The following SPECC1L variants were observed in gnomAD, a reference collection of about 807,000 sequenced individuals.
SPECC1L encodes the protein cytospin-A.
A neutral mutation model predicts 116.8 loss-of-function variants in SPECC1L; 40 were observed. The observed-to-expected ratio is 0.34, with a 90% CI of 0.27 to 0.45. SPECC1L has a LOEUF of 0.45. SPECC1L is among the 20% of genes least tolerant of loss of function. The pLI is 1.00. For missense variants in SPECC1L, 1,110 were observed against 1,373.6 expected, an observed-to-expected ratio of 0.81 and a Z score of 3.03; for synonymous variants, 504 against 500.6, an observed-to-expected ratio of 1.01 and a Z score of -0.09.
Position 24,328,889 on chromosome 22 carries a change from A to G in SPECC1L, c.2190A>G (p.Arg730=). Residue 730 remains arginine, a synonymous_variant, in exon 7 of 17, where the codon AGA becomes AGG. Transcript: ENST00000314328. ...AGGACCAAAAGCACGACATGGAAAGAGAAATAAAGACACTCCACAGAAGAC... is the reference window on the plus strand; with the variant it reads ...AGGACCAAAAGCACGACATGGAAAGGGAAATAAAGACACTCCACAGAAGAC... ...KLQDQKHDME[R]EIKTLHRRLR... The G allele has an allele frequency of 6.2e-7, 1 of 1,613,824 alleles. No individual in the cohort carries two copies. Among genetic ancestry groups the G allele is most frequent in the East Asian group, 2.2e-5 (1 of 44,820 alleles).
At position 24,322,848 on chromosome 22, in the gene SPECC1L, C is replaced by G; in HGVS notation, c.1868C>G (p.Ala623Gly). Residue 623 changes from alanine to glycine, a missense_variant, in exon 5 of 17, where the codon GCT becomes GGT. Coordinates refer to ENST00000314328, the MANE Select transcript of SPECC1L (RefSeq NM_015330.6). The part of the protein sequence containing the change: ...RLDKEKAETL[A>G]SSLQEDLAHT... ...GACAAAGAAAAAGCAGAGACTTTGG[C>G]TAGTAGCTTGCAGGAAGATCTGGCT... The G allele has an allele frequency of 6.2e-7, 1 of 1,612,422 alleles. No individual in the cohort carries two copies. The highest frequency in any genetic ancestry group is 2.2e-5 in the East Asian group (1 of 44,882).
chr22:24,297,610 C>T (rs62233085), intron 2 of SPECC1L, among the ~76,000 whole-genome samples: 6,709 of 152,084 alleles, frequency 0.044, 310 homozygotes, highest in South Asian at 0.14. Flanking sequence ...CACCAGTTGC[C>T]CTTTATCTAT....
chr22:24,395,046 T>A (rs1386788563), intron 14 of SPECC1L, among the ~76,000 whole-genome samples: 2 of 152,208 alleles, frequency 1.3e-5, no homozygotes, highest in Non-Finnish European at 1.5e-5. Flanking sequence ...CAGGCTGGTA[T>A]CAAACTCCTG....
chr22:24,276,637 A>C, intron 1 of SPECC1L, 63 bp from the exon 2 acceptor site: 1 of 356,808 alleles, frequency 2.8e-6, no homozygotes, highest in Middle Eastern at 9.7e-4. Flanking sequence ...ATTTTAATTA[A>C]ACAAGAAAAA....
rs1601315855 is a variant in SPECC1L at position 24,380,378 on chromosome 22, A to C, written c.3087+11058A>C. Among the ~76,000 whole-genome samples the C allele has an allele frequency of 2.0e-5, 3 of 152,288 alleles. No individual in the cohort carries two copies. The East Asian group carries it at 5.8e-4, about 29-fold the overall frequency. On this transcript the variant is annotated intron_variant, in intron 14 of 16. Coordinates refer to ENST00000314328, the MANE Select transcript of SPECC1L (RefSeq NM_015330.6). ...AAAGAGCAGGTTGTGACACTTGACT[A>C]GTTTATGAGAGCAGAAGCTGTTACG...
At chr22:24,412,265 C>G in intron 15 of SPECC1L, 1 of 368,888 alleles carries the variant, frequency 2.7e-6, no homozygotes, top group Non-Finnish European at 5.2e-6. Flanking sequence ...TCCCCTGCTT[C>G]CCCCATGTCA....
At chr22:24,285,667 G>A (rs1047905372) in intron 2 of SPECC1L, among the ~76,000 whole-genome samples, 6 of 151,368 alleles carry the variant, frequency 4.0e-5, no homozygotes, top group Admixed American at 1.3e-4. Context: ...TTTTTGAGAC[G>A]GAGTCTTGCT....
chr22:24,332,405 AGT>A (rs1246890382), intron 8 of SPECC1L, among the ~76,000 whole-genome samples: 1 of 152,218 alleles, frequency 6.6e-6, no homozygotes, highest in Non-Finnish European at 1.5e-5. Context: ...AAGATTGACC[AGT>A]GGATTTTAAT....
At chr22:24,329,626 G>GGCTC (rs2040898789) in intron 7 of SPECC1L, among the ~76,000 whole-genome samples, 1 of 152,172 alleles carries the variant, frequency 6.6e-6, no homozygotes, top group Non-Finnish European at 1.5e-5. Context: ...CCCCAGCTAT[G>GGCTC]GCTCTGATGG....
chr22:24,321,311 A>C lies in SPECC1L; in HGVS notation c.331A>C (p.Ser111Arg), dbSNP rs768857920. The C allele has an allele frequency of 3.7e-6, 6 of 1,614,038 alleles. No homozygotes were observed. Among genetic ancestry groups the C allele is most frequent in the Non-Finnish European group, 5.1e-6 (6 of 1,180,044 alleles). ...STGTASSTKR[S>R]TSTGNKESSS... ...AGGCACAGCTTCTTCAACCAAGCGG[A>C]GCACTTCTACAGGTAATAAAGAATC... The change falls in exon 5 of 17, where the codon AGC becomes CGC. Residue 111 changes from serine (S) to arginine (R), a missense_variant. Ser to Arg is a moderately radical substitution (Grantham distance 110, BLOSUM62 -1). This residue lies in a region of SPECC1L where 437 missense variants were observed against 482.6 expected (regional missense o/e 0.91). Coordinates refer to ENST00000314328, the MANE Select transcript of SPECC1L (RefSeq NM_015330.6).
intron 14 of SPECC1L, among the ~76,000 whole-genome samples, chr22:24,380,241 G>A (rs927817114): frequency 3.9e-5 from 6 of 152,242 alleles, no homozygotes; most frequent in Non-Finnish European, 8.8e-5. Flanking sequence ...AATCGTATGA[G>A]AAGTGCCAGT....
intron 2 of SPECC1L, among the ~76,000 whole-genome samples, chr22:24,299,120 C>G (rs1215667242): frequency 6.6e-6 from 1 of 151,848 alleles, no homozygotes; most frequent in African/African-American, 2.4e-5. Context: ...CTAATATAGT[C>G]CTGCCTGAAA....
intron 11 of SPECC1L, among the ~76,000 whole-genome samples, chr22:24,350,789 G>A (rs1306008803): frequency 6.6e-6 from 1 of 152,184 alleles, no homozygotes; most frequent in Non-Finnish European, 1.5e-5. Context: ...TCTGCGTTAA[G>A]TGTGGTCAGA....
At chr22:24,326,199 G>A (rs2040818317) in intron 6 of SPECC1L, among the ~76,000 whole-genome samples, 1 of 152,088 alleles carries the variant, frequency 6.6e-6, no homozygotes, top group Admixed American at 6.6e-5. Flanking sequence ...GTGATCAGCA[G>A]ATATTACAGG....
intron 3 of SPECC1L, chr22:24,304,532 T>C (rs1266772355): frequency 2.0e-5 from 3 of 152,240 alleles, no homozygotes; most frequent in African/African-American, 7.2e-5. Context: ...TTAATTCTCC[T>C]TGGTCACAGT....
chr22:24,274,620 T>C (rs1477490305), intron 1 of SPECC1L, among the ~76,000 whole-genome samples: 5 of 152,230 alleles, frequency 3.3e-5, no homozygotes, highest in Admixed American at 2.0e-4. Flanking sequence ...CTTTTAACAG[T>C]GTTTTTCCTG....
rs1460729730 is a variant in SPECC1L, at chr22:24,363,279, C to A, written c.2762C>A (p.Ser921Tyr). The A allele has an allele frequency of 6.2e-7, 1 of 1,614,066 alleles. No homozygotes were observed. The highest frequency in any genetic ancestry group is 8.5e-7 in the Non-Finnish European group (1 of 1,180,028). The change falls in exon 12 of 17, where the codon TCT (serine) becomes TAT (tyrosine). Residue 921 changes from serine to tyrosine, a missense_variant. Ser to Tyr is a moderately radical substitution (Grantham distance 144). This residue lies in a region of SPECC1L where 575 missense variants were observed against 682.4 expected (regional missense o/e 0.84). Coordinates refer to ENST00000314328, the MANE Select transcript of SPECC1L (RefSeq NM_015330.6). Reference protein sequence around the residue: ...IPVQEHLLRTSSASRPASLPR... With the variant: ...IPVQEHLLRTYSASRPASLPR... The stretch of plus-strand genomic sequence containing the variant: ...TGTACAGAGCATCTGTTAAGAACAT[C>A]TTCAGCCAGCCGGCCTGCTTCCCTG...
intron 14 of SPECC1L, among the ~76,000 whole-genome samples, chr22:24,392,440 A>C (rs1017801623): frequency 1.3e-5 from 2 of 152,228 alleles, no homozygotes; most frequent in African/African-American, 4.8e-5. Flanking sequence ...GCCTCCACAG[A>C]CAAGTTGGAG....
At chr22:24,284,734 T>G (rs1319133467) in intron 2 of SPECC1L, among the ~76,000 whole-genome samples, 2 of 152,114 alleles carry the variant, frequency 1.3e-5, no homozygotes, top group Non-Finnish European at 2.9e-5. Flanking sequence ...AACACCCAGC[T>G]GAGAATCTTT....
Sources: gnomAD v4.1 joint callset for allele counts (sites outside exome capture counted in the v4.1 genomes callset) on GRCh38, gnomAD v4.1.1 for gene constraint, gnomAD v4.1.1 regional missense constraint, MANE v1.5 for transcripts, NCBI Gene and HGNC (gene_info 2026-07-23, HGNC 2026-07-21) for gene names.